RORA: variants seen among roughly 807,000 people sequenced by gnomAD.
The protein encoded by RORA is nuclear receptor ROR-alpha.
A neutral mutation model predicts 69.5 loss-of-function variants in RORA; 7 were observed. The observed-to-expected ratio is 0.10, with a 90% confidence interval of 0.06 to 0.19. RORA has a LOEUF of 0.19. Among genes scored for constraint, RORA ranks in the 10% least tolerant of loss-of-function variants. The pLI is 1.00. For synonymous variants in RORA, 261 were observed against 240.8 expected (o/e 1.08, Z -0.78); for missense variants, 457 against 663.0 (o/e 0.69, Z 3.41).
At chr15:60,799,026 G>A (rs2072541994) in intron 1 of RORA, among the ~76,000 whole-genome samples, 1 of 151,758 alleles carries the variant, frequency 6.6e-6, no homozygotes. Flanking sequence ...CATGCCGAGA[G>A]GGCTGACATA....
At position 61,024,270 on chromosome 15, in the gene RORA, C is replaced by CTTTTT. The variant is rs34008494; in HGVS notation, c.166+204778_166+204782dup. ...GAAAAAGCAGAACTTTCTTGGATCTCTTTTTTTTTTTTTTTTTTTTTTTTG... is the reference window on the plus strand; with the variant it reads ...GAAAAAGCAGAACTTTCTTGGATCTCTTTTTTTTTTTTTTTTTTTTTTTTTTTTTG... On this transcript the variant is annotated intron_variant, in intron 1 of 10. Coordinates refer to ENST00000335670, the MANE Select transcript of RORA (RefSeq NM_134261.3). Among the ~76,000 whole-genome samples, 123 of 79,400 alleles carry CTTTTT rather than the reference C, an allele frequency of 1.5e-3. 3 individuals carry two copies. Among genetic ancestry groups the CTTTTT allele is most frequent in the Non-Finnish European group, 2.1e-3 (93 of 44,418 alleles). The allele number at this position is 79,400 out of a possible 152,430, so 52.1% of individuals were successfully genotyped here.
chr15:60,958,462 T>C (rs1002548484), intron 1 of RORA, among the ~76,000 whole-genome samples: 7 of 152,158 alleles, frequency 4.6e-5, no homozygotes, highest in African/African-American at 1.7e-4. Context: ...CCATATAATA[T>C]AAATTTTGCC....
intron 1 of RORA, among the ~76,000 whole-genome samples, chr15:61,105,072 T>C (rs1356142060): frequency 6.8e-6 from 1 of 147,292 alleles, no homozygotes. Flanking sequence ...CAGTCTTGGG[T>C]ATGTCTTTGT....
chr15:61,220,501 C>T (rs2080085432), intron 1 of RORA, among the ~76,000 whole-genome samples: 1 of 152,214 alleles, frequency 6.6e-6, no homozygotes, highest in South Asian at 2.1e-4. Context: ...GCCACTCCTC[C>T]CCATGACTGG....
chr15:61,053,350 C>A (rs1362779739), intron 1 of RORA, among the ~76,000 whole-genome samples: 2 of 151,904 alleles, frequency 1.3e-5, no homozygotes, highest in African/African-American at 4.8e-5. Context: ...TACTGACTCA[C>A]ACTGACAAAA....
chr15:60,520,408 G>T (rs1183402490), intron 3 of RORA: 2 of 152,122 alleles, frequency 1.3e-5, no homozygotes, highest in Non-Finnish European at 2.9e-5. Flanking sequence ...GTATTCCTTG[G>T]GGGGCGGGGT....
intron 10 of RORA, among the ~76,000 whole-genome samples, chr15:60,498,490 A>C (rs1241421114): frequency 2.0e-5 from 3 of 152,248 alleles, no homozygotes; most frequent in African/African-American, 7.2e-5. Context: ...TAATAGAGTC[A>C]GAAGGCCTGG....
intron 2 of RORA, among the ~76,000 whole-genome samples, chr15:60,603,217 A>G (rs2140559727): frequency 6.6e-6 from 1 of 152,358 alleles, no homozygotes; most frequent in South Asian, 2.1e-4. Context: ...TAAAGCTGGT[A>G]TAAATATTCA....
At chr15:61,044,011 A>G (rs1304866199) in intron 1 of RORA, among the ~76,000 whole-genome samples, 1 of 152,156 alleles carries the variant, frequency 6.6e-6, no homozygotes, top group Non-Finnish European at 1.5e-5. Context: ...AAGAGCCACA[A>G]ACACGGACCC....
chr15:60,606,941 G>A (rs979492681), intron 2 of RORA, among the ~76,000 whole-genome samples: 1 of 152,168 alleles, frequency 6.6e-6, no homozygotes, highest in Non-Finnish European at 1.5e-5. Flanking sequence ...GTTTGTATAT[G>A]TGCTTTAAAA....
intron 1 of RORA, among the ~76,000 whole-genome samples, chr15:60,738,690 C>T (rs1461890751): frequency 6.6e-6 from 1 of 152,216 alleles, no homozygotes; most frequent in East Asian, 1.9e-4. Flanking sequence ...CCCTAAAAGT[C>T]CTGTGGGCCT....
At chr15:60,956,201 A>C (rs187425804) in intron 1 of RORA, among the ~76,000 whole-genome samples, 8 of 152,080 alleles carry the variant, frequency 5.3e-5, no homozygotes, top group East Asian at 3.9e-4. Context: ...CTCAATAAAC[A>C]CTTGTTCAAA....
At chr15:61,096,885 C>T (rs543070280) in intron 1 of RORA, among the ~76,000 whole-genome samples, 17 of 152,302 alleles carry the variant, frequency 1.1e-4, no homozygotes, top group African/African-American at 3.6e-4. Flanking sequence ...GGAAACACTT[C>T]TCTGCTAGCC....
Position 60,986,410 on chromosome 15 carries a change from A to G in RORA, c.166+242643T>C, listed in dbSNP as rs1212911915. On this transcript the variant is annotated intron_variant, in intron 1 of 10. Coordinates refer to ENST00000335670, the MANE Select transcript of RORA (RefSeq NM_134261.3). ...AACATCCTTACTTTTATAGTTTCCT[A>G]TCACTACAATTAGCCCCTTCAGACA... Among the ~76,000 whole-genome samples, 9 of 152,302 alleles carry G rather than the reference A, an allele frequency of 5.9e-5. 1 individual carries two copies. In the South Asian group the frequency reaches 1.9e-3, roughly 32 times the overall value.
intron 1 of RORA, among the ~76,000 whole-genome samples, chr15:60,830,749 T>C (rs1007894147): frequency 9.2e-5 from 14 of 152,206 alleles, no homozygotes; most frequent in Non-Finnish European, 1.9e-4. Flanking sequence ...TTTATTCTCT[T>C]AAAATTGGAG....
chr15:60,821,513 C>T (rs140159327), intron 1 of RORA, among the ~76,000 whole-genome samples: 1 of 152,186 alleles, frequency 6.6e-6, no homozygotes, highest in Non-Finnish European at 1.5e-5. Context: ...ACTTTTATCC[C>T]CTATCTCTCC....
At chr15:61,006,653 T>C (rs1264824078) in intron 1 of RORA, among the ~76,000 whole-genome samples, 2 of 152,160 alleles carry the variant, frequency 1.3e-5, no homozygotes, top group Non-Finnish European at 2.9e-5. Flanking sequence ...ATTCCAGCAG[T>C]GGTATTCTCC....
intron 1 of RORA, among the ~76,000 whole-genome samples, chr15:60,881,031 A>G (rs1196237863): frequency 6.6e-6 from 1 of 152,206 alleles, no homozygotes; most frequent in Non-Finnish European, 1.5e-5. Flanking sequence ...TGGTTAGACA[A>G]ATGCTGATCT....
At chr15:60,516,600 C>T (rs557145264) in intron 3 of RORA, among the ~76,000 whole-genome samples, 3 of 152,104 alleles carry the variant, frequency 2.0e-5, no homozygotes, top group African/African-American at 7.2e-5. Context: ...AAAGAATTAA[C>T]AGAGTGGTAG....
Sources: gnomAD v4.1 joint callset for allele counts (sites outside exome capture counted in the v4.1 genomes callset) on GRCh38, gnomAD v4.1.1 for gene constraint, MANE v1.5 for transcripts, NCBI Gene and HGNC (gene_info 2026-07-23, HGNC 2026-07-21) for gene names.